The following NCAPG2 variants were observed in gnomAD, a reference collection of about 807,000 sequenced individuals.
The protein encoded by NCAPG2 is condensin-2 complex subunit G2.
NCAPG2 carries 53 observed loss-of-function variants against 141.1 expected under a neutral mutation model. That is an observed-to-expected ratio of 0.38 (90% confidence interval 0.30 to 0.47). The LOEUF (loss-of-function observed/expected upper bound fraction) is 0.47. Ranked by LOEUF, NCAPG2 falls within the 20% of genes least tolerant of loss-of-function variation. The probability of loss-of-function intolerance (pLI) is 0.99; values close to 1 mark genes in which losing one functional copy is unlikely to be tolerated. For synonymous variants in NCAPG2, 499 were observed against 490.7 expected (o/e 1.02, Z -0.22); for missense variants, 1,087 against 1,389.0 (o/e 0.78, Z 3.46).
chr7:158,652,144 C>T, intron 23 of NCAPG2, 149 bp downstream of exon 23: 1 of 765,800 alleles, frequency 1.3e-6, no homozygotes, highest in Non-Finnish European at 2.1e-6. Flanking sequence ...CTCCATCTCT[C>T]TCAGTGCACC....
chr7:158,658,630 C>T (rs1832211614), intron 16 of NCAPG2, among the ~76,000 whole-genome samples: 2 of 152,138 alleles, frequency 1.3e-5, no homozygotes, highest in African/African-American at 4.8e-5. Context: ...CATTTTACTA[C>T]TTTGCAAATA....
intron 24 of NCAPG2, among the ~76,000 whole-genome samples, chr7:158,649,163 T>A (rs1831293115): frequency 6.6e-6 from 1 of 151,540 alleles, no homozygotes; most frequent in African/African-American, 2.4e-5. Context: ...ATAATAGGAG[T>A]CAATTCATCA....
chr7:158,683,875 GT>G (rs1834594016), intron 8 of NCAPG2, among the ~76,000 whole-genome samples: 1 of 152,220 alleles, frequency 6.6e-6, no homozygotes, highest in African/African-American at 2.4e-5. Flanking sequence ...CAAGGAAGGT[GT>G]GTGGGAAGCC....
Position 158,664,556 on chromosome 7 carries a change from G to A in NCAPG2, c.1674C>T (p.Ala558=), listed in dbSNP as rs1832774638. The A allele has an allele frequency of 1.2e-6, 2 of 1,614,080 alleles. No individual in the cohort carries two copies. Among genetic ancestry groups the A allele is most frequent in the African/African-American group, 2.7e-5 (2 of 74,992 alleles). The stretch of plus-strand genomic sequence containing the variant: ...TGTTGGTGCAGGCGGTGTGTTCGTG[G>A]GCGTACTGATAGAACCTCCTGGCAG... ...HAAARRFYQY[A]HEHTACTNIA... Residue 558 remains alanine (A), a synonymous_variant, in exon 14 of 28, where the codon GCC becomes GCT. Coordinates refer to ENST00000356309, the MANE Select transcript of NCAPG2 (RefSeq NM_017760.7).
At position 158,673,772 on chromosome 7, in the gene NCAPG2, C is replaced by G. The variant is rs545732371; in HGVS notation, c.1326+1705G>C. 9.2e-5 allele frequency among the ~76,000 whole-genome samples: 14 copies of G among 152,306 alleles called. No homozygotes were observed. The South Asian group carries it at 2.9e-3, about 32-fold the overall frequency. ...GGGGAGCCCGTCACAGTGCAAGAGG[C>G]GCACGGCTCCCTGGCTCCTCAGCCA... On this transcript the variant is annotated intron_variant, in intron 12 of 27. Transcript: ENST00000356309.
At position 158,660,401 on chromosome 7, in the gene NCAPG2, CTTTT is replaced by C. The variant is rs945928092; in HGVS notation, c.1989+1789_1989+1792del. ...AGTCCCAGGTCATTATTTCAGCTTT[CTTTT>C]TTTTTTTTTTTTTTTTTTTTTTTTA... On this transcript the variant is annotated intron_variant, in intron 16 of 27. Transcript: ENST00000356309. Among the ~76,000 whole-genome samples the C allele has an allele frequency of 7.6e-3, 554 of 72,790 alleles. 1 individual carries two copies. Among genetic ancestry groups the C allele is most frequent in the African/African-American group, 0.011 (205 of 18,128 alleles). 47.8% of individuals were successfully genotyped at this position (72,790 alleles called of 152,430 possible).
In NCAPG2 at chr7:158,693,298, A is replaced by C. The variant is rs766974691; in HGVS notation, c.267+11T>G. 1 of 1,592,080 alleles carries C rather than the reference A, an allele frequency of 6.3e-7. No individual in the cohort carries two copies. The highest frequency in any genetic ancestry group is 1.2e-5 in the South Asian group (1 of 85,566). ...GAAAAACGTTTCTTATTTTTGAAAAACAAATACTACCATTTTTGAGCCATG... is the reference window on the plus strand; with the variant it reads ...GAAAAACGTTTCTTATTTTTGAAAACCAAATACTACCATTTTTGAGCCATG... On this transcript the variant is annotated intron_variant, in intron 3 of 27. Transcript: ENST00000356309.
intron 7 of NCAPG2, among the ~76,000 whole-genome samples, chr7:158,686,718 A>G (rs937743803): frequency 1.3e-5 from 2 of 152,230 alleles, no homozygotes; most frequent in Non-Finnish European, 2.9e-5. Context: ...AAAGCAATCT[A>G]GTATACAACA....
chr7:158,659,653 G>T (rs1032678535), intron 16 of NCAPG2, among the ~76,000 whole-genome samples: 5 of 152,066 alleles, frequency 3.3e-5, no homozygotes, highest in Non-Finnish European at 7.4e-5. Flanking sequence ...GATATTCTTG[G>T]CTGGGAGAAT....
At position 158,675,335 on chromosome 7, in the gene NCAPG2, C is replaced by T. The variant is rs746800216; in HGVS notation, c.1326+142G>A. ...ACACTTTGAATTTGGTTTTTAAAAA[C>T]CTTACTTTGGATATATGACAGGTCA... On this transcript the variant is annotated intron_variant, in intron 12 of 27. Transcript: ENST00000356309. The T allele has an allele frequency of 5.3e-6, 5 of 943,218 alleles. No individual in the cohort carries two copies. In the Admixed American group the frequency reaches 1.5e-4, roughly 28 times the overall value. The allele number at this position is 943,218 out of a possible 1,614,324, so 58.4% of individuals were successfully genotyped here. A position where few individuals can be genotyped will look rare whatever the true frequency, so the allele number is the denominator to read the frequency against.
chr7:158,690,525 T>TAG (rs749508959), intron 5 of NCAPG2, 43 bp downstream of exon 5: 66 of 1,581,858 alleles, frequency 4.2e-5, no homozygotes, highest in Admixed American at 4.0e-4. Flanking sequence ...ATCTGGGCAA[T>TAG]AGAGAGAGAC....
chr7:158,652,195 G>A (rs553532090), intron 23 of NCAPG2, 98 bp downstream of exon 23: 47 of 1,230,486 alleles, frequency 3.8e-5, no homozygotes, highest in Middle Eastern at 4.4e-4. Flanking sequence ...CGTGTCACCC[G>A]AGCGTGAACA....
In NCAPG2 at chr7:158,646,725, CTAT is replaced by C. The variant is rs201489902; in HGVS notation, c.3076-165_3076-163del. ...AATGTCTACAATAATTATGAATAAT[CTAT>C]TATTATAAACATAAGTGTGTTGGGC... On this transcript the variant is annotated intron_variant, in intron 24 of 27. Coordinates refer to ENST00000356309, the MANE Select transcript of NCAPG2 (RefSeq NM_017760.7). 6.1e-3 allele frequency among the ~76,000 whole-genome samples: 923 copies of C among 152,192 alleles called. 8 individuals are homozygous for C. Among genetic ancestry groups the C allele is most frequent in the African/African-American group, 0.016 (684 of 41,524 alleles).
intron 24 of NCAPG2, among the ~76,000 whole-genome samples, chr7:158,647,257 T>C (rs1169141750): frequency 6.6e-6 from 1 of 152,220 alleles, no homozygotes; most frequent in East Asian, 1.9e-4. Flanking sequence ...TTTGGGGGAT[T>C]GGGAGGCTGT....
chr7:158,634,766 T>C (rs1427538406), intron 27 of NCAPG2, among the ~76,000 whole-genome samples: 2 of 152,156 alleles, frequency 1.3e-5, no homozygotes, highest in African/African-American at 4.8e-5. Flanking sequence ...GCAATACAAA[T>C]TTACTCATTC....
rs181227848 is a variant in NCAPG2, at chr7:158,665,736, C to T, written c.1480-986G>A. On this transcript the variant is annotated intron_variant, in intron 13 of 27. Transcript: ENST00000356309. Reference sequence around the variant, plus strand: ...TCCCACCTCCACCTCCATATCTCACCTCCCAACCCCATTGACAATGCAGTC... The same window carrying T: ...TCCCACCTCCACCTCCATATCTCACTTCCCAACCCCATTGACAATGCAGTC... Among the ~76,000 whole-genome samples, 28 of 152,262 alleles carry T rather than the reference C, an allele frequency of 1.8e-4. No individual in the cohort carries two copies. The East Asian group carries it at 2.1e-3, about 12-fold the overall frequency.
chr7:158,668,898 AT>A (rs1332652322), intron 13 of NCAPG2, among the ~76,000 whole-genome samples: 1 of 152,126 alleles, frequency 6.6e-6, no homozygotes, highest in Non-Finnish European at 1.5e-5. Context: ...ATTAGCCATT[AT>A]TCCTGATGCT....
chr7:158,692,511 ACGGGTGGATC>A (rs1352921643), intron 4 of NCAPG2, among the ~76,000 whole-genome samples: 5 of 152,148 alleles, frequency 3.3e-5, no homozygotes, highest in Admixed American at 1.3e-4. Flanking sequence ...GGAGGCTGAG[ACGGGTGGATC>A]ACCTGAGGTC....
intron 13 of NCAPG2, among the ~76,000 whole-genome samples, chr7:158,669,796 A>AAAAAAAT (rs1833560907): frequency 7.0e-6 from 1 of 142,586 alleles, no homozygotes; most frequent in South Asian, 2.3e-4. Flanking sequence ...AAAAAAAAAA[A>AAAAAAAT]TTGACATGCT....
Sources: allele counts gnomAD v4.1 joint callset (sites outside exome capture counted in the v4.1 genomes callset), GRCh38; gene constraint gnomAD v4.1.1; transcripts MANE v1.5; gene names NCBI Gene and HGNC (gene_info 2026-07-23, HGNC 2026-07-21).